Variants in DOCK2 observed in about 807,000 individuals in gnomAD.
The protein encoded by DOCK2 is dedicator of cytokinesis 2, also known as dedicator of cytokinesis protein 2.
Under a neutral mutation model 248.9 loss-of-function variants are expected in DOCK2, and 87 were observed. That is an observed-to-expected ratio of 0.35 (90% confidence interval 0.29 to 0.42). DOCK2 has a LOEUF of 0.42. DOCK2 is among the 10% of genes least tolerant of loss of function. The pLI is 1.00. For missense variants in DOCK2, 1,747 were observed against 2,300.2 expected (o/e 0.76, Z 4.92); for synonymous variants, 805 against 821.6 (o/e 0.98, Z 0.35).
chr5:169,882,887 T>C, intron 27 of DOCK2: 1 of 1,551,624 alleles, frequency 6.4e-7, no homozygotes. Flanking sequence ...GACACCAGAT[T>C]CTGGTGATTG....
rs562296920 is a variant in DOCK2, at chr5:169,657,065, A to C, written c.127+2579A>C. Among the ~76,000 whole-genome samples, 18 of 152,370 alleles carry C rather than the reference A, an allele frequency of 1.2e-4. No individual in the cohort carries two copies. The South Asian group carries it at 3.1e-3, about 26-fold the overall frequency. ...ATTATTTGAAAAGACAGTGTTTGGA[A>C]GTCTGCTAGAATGATTCTAGCTATC... On this transcript the variant is annotated intron_variant, in intron 2 of 51. Coordinates refer to ENST00000520908, the MANE Select transcript of DOCK2 (RefSeq NM_004946.3).
intron 9 of DOCK2, among the ~76,000 whole-genome samples, chr5:169,692,099 C>A (rs1264291318): frequency 1.3e-5 from 2 of 152,108 alleles, no homozygotes; most frequent in African/African-American, 4.8e-5. Context: ...CGTGATCCAC[C>A]CACCTCAGCC....
intron 27 of DOCK2, among the ~76,000 whole-genome samples, chr5:169,977,281 C>T (rs558281842): frequency 6.6e-6 from 1 of 152,270 alleles, no homozygotes; most frequent in South Asian, 2.1e-4. Context: ...GCTGTTCATC[C>T]CAAGCTGTGA....
chr5:169,844,434 G>A (rs926126552), intron 27 of DOCK2, among the ~76,000 whole-genome samples: 4 of 152,222 alleles, frequency 2.6e-5, no homozygotes, highest in African/African-American at 9.6e-5. Flanking sequence ...GGGATGTTCA[G>A]GTTATCAGGG....
chr5:169,978,385 GT>G (rs1777796943), intron 27 of DOCK2, among the ~76,000 whole-genome samples: 6 of 60,580 alleles, frequency 9.9e-5, no homozygotes, highest in Non-Finnish European at 2.2e-4. Context: ...ATGTGTGTGT[GT>G]GTGTGTGGGG....
intron 27 of DOCK2, among the ~76,000 whole-genome samples, chr5:169,854,454 G>A (rs1770789528): frequency 6.6e-6 from 1 of 152,214 alleles, no homozygotes; most frequent in South Asian, 2.1e-4. Context: ...CAAGTTCTGG[G>A]ATTACAGGTG....
intron 25 of DOCK2, among the ~76,000 whole-genome samples, chr5:169,766,544 T>C (rs1055910065): frequency 2.6e-5 from 4 of 152,196 alleles, no homozygotes; most frequent in African/African-American, 9.7e-5. Context: ...CACAGGCATA[T>C]GTTTATGAAT....
chr5:169,673,436 T>G (rs1759150132), intron 5 of DOCK2, among the ~76,000 whole-genome samples: 1 of 152,076 alleles, frequency 6.6e-6, no homozygotes, highest in Non-Finnish European at 1.5e-5. Context: ...CCACCCACAC[T>G]TTCCCAAATG....
intron 27 of DOCK2, among the ~76,000 whole-genome samples, chr5:169,919,973 C>A (rs1414182446): frequency 2.6e-5 from 4 of 152,198 alleles, no homozygotes; most frequent in Admixed American, 6.5e-5. Flanking sequence ...TTAATGAACA[C>A]ATACTTTAGT....
intron 38 of DOCK2, 91 bp from the exon 39 acceptor site, chr5:170,045,725 G>A: frequency 1.6e-6 from 2 of 1,282,568 alleles, no homozygotes; most frequent in Non-Finnish European, 2.3e-6. Flanking sequence ...TCAGTCCCAG[G>A]AAGCACAGCT....
rs563477787 is a variant in DOCK2, at chr5:169,939,791, A to T, written c.2800-43277A>T. Among the ~76,000 whole-genome samples the T allele has an allele frequency of 7.8e-4, 118 of 152,226 alleles. No individual in the cohort carries two copies. The Middle Eastern group carries it at 0.01, about 13-fold the overall frequency. On this transcript the variant is annotated intron_variant, in intron 27 of 51. Transcript: ENST00000520908. Reference sequence around the variant, plus strand: ...AGCTCTATATTAAGGTCCCTAAAAAATATAAGAAAGGTAAAAAAAGTCAAC... The same window carrying T: ...AGCTCTATATTAAGGTCCCTAAAAATTATAAGAAAGGTAAAAAAAGTCAAC...
chr5:169,842,051 G>A (rs1770011798), intron 27 of DOCK2, among the ~76,000 whole-genome samples: 1 of 152,186 alleles, frequency 6.6e-6, no homozygotes, highest in South Asian at 2.1e-4. Context: ...CCATATAGTT[G>A]CTAGGATTCC....
At chr5:169,858,382 C>A (rs1335042327) in intron 27 of DOCK2, among the ~76,000 whole-genome samples, 3 of 152,126 alleles carry the variant, frequency 2.0e-5, no homozygotes, top group Non-Finnish European at 2.9e-5. Context: ...GAAACCCCAA[C>A]AGAGCTGCTG....
chr5:169,863,426 T>C (rs545055037), intron 27 of DOCK2, among the ~76,000 whole-genome samples: 1 of 152,370 alleles, frequency 6.6e-6, no homozygotes, highest in Non-Finnish European at 1.5e-5. Flanking sequence ...ATTTTAAATA[T>C]TGCAGGTAAG....
intron 27 of DOCK2, among the ~76,000 whole-genome samples, chr5:169,981,968 A>C (rs1777950454): frequency 6.6e-6 from 1 of 152,022 alleles, no homozygotes; most frequent in Non-Finnish European, 1.5e-5. Flanking sequence ...CAAACCCATA[A>C]TATCTTCAAG....
intron 27 of DOCK2, among the ~76,000 whole-genome samples, chr5:169,977,324 C>T (rs554891098): frequency 2.6e-5 from 4 of 152,262 alleles, no homozygotes; most frequent in Admixed American, 6.5e-5. Context: ...TAGATAGTCA[C>T]GGGTAGGCGG....
At chr5:170,024,283 T>A (rs1373445976) in intron 33 of DOCK2, among the ~76,000 whole-genome samples, 3 of 151,506 alleles carry the variant, frequency 2.0e-5, no homozygotes, top group African/African-American at 7.3e-5. Context: ...AGCTACATCC[T>A]CAACTCTGGA....
intron 26 of DOCK2, among the ~76,000 whole-genome samples, chr5:169,813,870 G>C (rs1221989921): frequency 6.6e-6 from 1 of 152,214 alleles, no homozygotes; most frequent in Non-Finnish European, 1.5e-5. Context: ...CCATGGATTT[G>C]CTATGCTTAA....
chr5:169,823,900 G>A (rs1371241022), intron 26 of DOCK2, among the ~76,000 whole-genome samples: 2 of 152,152 alleles, frequency 1.3e-5, no homozygotes, highest in Non-Finnish European at 2.9e-5. Flanking sequence ...ATCTCCTTAA[G>A]CTGATAAACA....
Sources: allele counts gnomAD v4.1 joint callset (sites outside exome capture counted in the v4.1 genomes callset), GRCh38; gene constraint gnomAD v4.1.1; transcripts MANE v1.5; gene names NCBI Gene and HGNC (gene_info 2026-07-23, HGNC 2026-07-21).